The following ELOF1 variants were observed in gnomAD, a reference collection of about 807,000 sequenced individuals.
The protein encoded by ELOF1 is transcription elongation factor 1 homolog.
A neutral mutation model predicts 7.1 loss-of-function variants in ELOF1; 4 were observed. The ratio of observed to expected loss-of-function variants is 0.56; its 90% confidence interval spans 0.28 to 1.29. ELOF1 has a LOEUF of 1.29. ELOF1 is among the 50% of genes most tolerant of loss of function. The pLI, the probability that ELOF1 is intolerant of heterozygous loss-of-function variation, is 0.10. For synonymous variants in ELOF1, 31 were observed against 31.9 expected, an observed-to-expected ratio of 0.97 and a Z score of 0.09; for missense variants, 59 against 86.3, an observed-to-expected ratio of 0.68 and a Z score of 1.25.
intron 1 of ELOF1, chr19:11,555,643 C>G (rs1239585601): frequency 6.5e-6 from 1 of 152,720 alleles, no homozygotes; most frequent in Non-Finnish European, 1.5e-5. Context: ...CTCAGGGCAG[C>G]TGTCCGTCCC....
At chr19:11,558,933 A>T (rs1972874157) in intron 1 of ELOF1, 1 of 152,016 alleles carries the variant, frequency 6.6e-6, no homozygotes, top group African/African-American at 2.4e-5. Flanking sequence ...CTGGTACCCA[A>T]GAGGTGGGGG....
chr19:11,553,279 C>T (rs1165425818), intron 3 of ELOF1: 5 of 399,468 alleles, frequency 1.3e-5, no homozygotes, highest in African/African-American at 4.1e-5. Context: ...GAGATGGGCA[C>T]GGTGCTGGTG....
rs752443848 is a variant in ELOF1, at chr19:11,553,871, C to A, written c.187+140G>T. ...GGAACCCTGCCCTGCATCTTCTCACCCCACAGAAATCACTAGGTGGCACCT... is the reference window on the plus strand; with the variant it reads ...GGAACCCTGCCCTGCATCTTCTCACACCACAGAAATCACTAGGTGGCACCT... On this transcript the variant is annotated intron_variant, in intron 3 of 3. Coordinates refer to ENST00000586683, the Ensembl canonical transcript of ELOF1. The A allele has an allele frequency of 1.9e-6, 3 of 1,612,878 alleles. No individual in the cohort carries two copies. The South Asian group carries it at 3.3e-5, about 18-fold the overall frequency.
chr19:11,559,142 G>T (rs1972877736), intron 1 of ELOF1, 49 bp downstream of exon 1: 1 of 152,414 alleles, frequency 6.6e-6, no homozygotes, highest in Non-Finnish European at 1.5e-5. Flanking sequence ...GGAACTTCCA[G>T]TCCTGCCCAC....
intron 3 of ELOF1, chr19:11,553,572 GCACACCCACTACACACACACA>G: frequency 2.8e-6 from 2 of 708,956 alleles, no homozygotes. Context: ...ACACCCACAC[GCACACCCACTACACACACACA>G]CACACACACA....
At chr19:11,557,786 G>C (rs912535001) in intron 1 of ELOF1, among the ~76,000 whole-genome samples, 1 of 151,842 alleles carries the variant, frequency 6.6e-6, no homozygotes, top group Non-Finnish European at 1.5e-5. Flanking sequence ...CCAGCTACTC[G>C]GGAGGCTGAG....
exon 3 of ELOF1, chr19:11,554,077 G>A (rs11539252): frequency 1.1e-5 from 17 of 1,614,196 alleles, no homozygotes; most frequent in East Asian, 2.2e-5. Flanking sequence ...TTGCGGGCAC[G>A]GTCCCTGAAA....
At position 11,553,603 on chromosome 19, in the gene ELOF1, A is replaced by C. The variant is rs1176554120; in HGVS notation, c.187+408T>G. ...CCACTACACACACACACACACACACACACACACACACACACACACACACAC... is the reference window on the plus strand; with the variant it reads ...CCACTACACACACACACACACACACCCACACACACACACACACACACACAC... On this transcript the variant is annotated intron_variant, in intron 3 of 3. Transcript: ENST00000586683. The C allele has an allele frequency of 1.1e-5, 7 of 617,940 alleles. No homozygotes were observed. In the Admixed American group the frequency reaches 1.5e-4, roughly 13 times the overall value. The allele number at this position is 617,940 out of a possible 1,614,324, so 38.3% of individuals were successfully genotyped here. A position where few individuals can be genotyped will look rare whatever the true frequency, so the allele number is the denominator to read the frequency against.
intron 3 of ELOF1, chr19:11,553,493 C>A: frequency 1.7e-6 from 1 of 602,538 alleles, no homozygotes; most frequent in Non-Finnish European, 3.0e-6. Context: ...CACCGCGTAC[C>A]TGTGAGCACA....
chr19:11,554,139 G>A (rs1349666396), intron 2 of ELOF1, 58 bp from the exon 3 acceptor site: 11 of 1,613,968 alleles, frequency 6.8e-6, no homozygotes, highest in Middle Eastern at 1.6e-4. Flanking sequence ...TGTGGGTGAT[G>A]ACGCCTTCAC....
chr19:11,555,686 G>A (rs1351964019), intron 1 of ELOF1: 3 of 152,792 alleles, frequency 2.0e-5, no homozygotes, highest in Non-Finnish European at 4.4e-5. Flanking sequence ...GGGACAGGTG[G>A]GAGGGTTCTG....
intron 3 of ELOF1, chr19:11,553,357 C>G (rs1714470528): frequency 2.2e-6 from 1 of 455,504 alleles, no homozygotes; most frequent in Middle Eastern, 5.8e-4. Context: ...AGGAAACAGT[C>G]CCCCAATTCC....
intron 3 of ELOF1, chr19:11,553,714 G>T: frequency 6.2e-7 from 1 of 1,613,702 alleles, no homozygotes; most frequent in Non-Finnish European, 8.5e-7. Context: ...CACAGTACGC[G>T]GGGCTGCTCA....
intron 1 of ELOF1, among the ~76,000 whole-genome samples, chr19:11,556,043 T>A (rs1972828885): frequency 6.6e-6 from 1 of 151,888 alleles, no homozygotes; most frequent in African/African-American, 2.4e-5. Flanking sequence ...TAGGAACAGA[T>A]GTCCAGGAGG....
At chr19:11,553,669 G>A (rs1410124583) in intron 3 of ELOF1, 1 of 1,569,966 alleles carries the variant, frequency 6.4e-7, no homozygotes, top group East Asian at 2.3e-5. Flanking sequence ...CTGGACCCCT[G>A]GAATGTCTCT....
chr19:11,554,310 T>C, exon 2 of ELOF1: 1 of 1,613,918 alleles, frequency 6.2e-7, no homozygotes, highest in Non-Finnish European at 8.5e-7. Context: ...CATCTTCTTC[T>C]TGGGAGGCGG....
chr19:11,554,252 C>T (rs761001102), exon 2 of ELOF1: 9 of 1,613,664 alleles, frequency 5.6e-6, no homozygotes, highest in Non-Finnish European at 5.1e-6. Context: ...CACAGGATTT[C>T]TCGTGGTTGC....
intron 3 of ELOF1, 100 bp downstream of exon 3, chr19:11,553,911 C>T (rs2145055235): frequency 6.2e-7 from 1 of 1,610,796 alleles, no homozygotes; most frequent in Non-Finnish European, 8.5e-7. Context: ...CTCTGGACGG[C>T]TTTGGCCCTG....
intron 1 of ELOF1, among the ~76,000 whole-genome samples, chr19:11,557,006 G>GA (rs575792556): frequency 4.0e-5 from 6 of 150,954 alleles, no homozygotes; most frequent in Non-Finnish European, 7.4e-5. Flanking sequence ...TAAAAAGGGG[G>GA]AAAAAAAAAC....
Sources: allele counts gnomAD v4.1 joint callset (sites outside exome capture counted in the v4.1 genomes callset), GRCh38; gene constraint gnomAD v4.1.1; transcripts MANE v1.5; gene names NCBI Gene and HGNC (gene_info 2026-07-23, HGNC 2026-07-21).